Variants in PPFIBP2 observed in about 807,000 individuals in gnomAD.
The protein encoded by PPFIBP2 is PPFIB scaffold protein 2.
Under a neutral mutation model 118.3 loss-of-function variants are expected in PPFIBP2, and 118 were observed. The ratio of observed to expected loss-of-function variants is 1.00; its 90% CI spans 0.86 to 1.16. PPFIBP2 has a LOEUF of 1.16. Ranked by LOEUF, PPFIBP2 falls within the 50% of genes most tolerant of loss-of-function variation. The pLI, the probability that PPFIBP2 is intolerant of heterozygous loss-of-function variation, is 0.00. For missense variants in PPFIBP2, 1,195 were observed against 1,073.1 expected (o/e 1.11, Z -1.59); for synonymous variants, 414 against 397.4 (o/e 1.04, Z -0.50).
chr11:7,660,220 T>A (rs1854861453), downstream of PPFIBP2, among the ~76,000 whole-genome samples: 3 of 127,846 alleles, frequency 2.3e-5, 1 homozygote, highest in Admixed American at 2.4e-4. Context: ...CATCCCTGTC[T>A]TGTGCCCGTT....
Position 7,620,999 on chromosome 11 carries a change from A to G in PPFIBP2, c.683A>G (p.Gln228Arg), listed in dbSNP as rs755458671. The G allele has an allele frequency of 8.7e-6, 14 of 1,612,530 alleles. No individual in the cohort carries two copies. The African/African-American group carries it at 1.6e-4, about 18-fold the overall frequency. The change falls in exon 7 of 24, where the codon CAG becomes CGG. Residue 228 changes from glutamine to arginine, a missense_variant. Gln to Arg is a conservative substitution (Grantham distance 43). Coordinates refer to ENST00000299492, the MANE Select transcript of PPFIBP2 (RefSeq NM_003621.5). The stretch of plus-strand genomic sequence containing the variant: ...GAAGAGTTGGAAAATGAAAGGAATC[A>G]GTATGAATGGAAGCTAAAGGCCACT... ...KVEELENERN[Q>R]YEWKLKATKA... is the part of the protein sequence containing the mutation.
chr11:7,663,802 T>A, the PPFIBP2 span, among the ~76,000 whole-genome samples: 1 of 152,204 alleles, frequency 6.6e-6, no homozygotes, highest in South Asian at 2.1e-4. Flanking sequence ...TCAGCGAGAC[T>A]CCCTGGGCGT....
chr11:7,616,240 A>G lies in PPFIBP2; in HGVS notation c.619-4695A>G, dbSNP rs1255179284. 3.9e-5 allele frequency among the ~76,000 whole-genome samples: 6 copies of G among 152,230 alleles called. No individual in the cohort carries two copies. The highest frequency in any genetic ancestry group is 1.4e-4 in the African/African-American group (6 of 41,466). On this transcript the variant is annotated intron_variant, in intron 6 of 23. Transcript: ENST00000299492. The surrounding 1 kb of genome is among the most constrained non-coding windows in gnomAD (Gnocchi z 5.2). ...CTCTGACAGATACAAAAAATTTAGG[A>G]CAATAGTCCCCCAAAGTGCTTGCTA...
intron 17 of PPFIBP2, among the ~76,000 whole-genome samples, chr11:7,645,029 A>C (rs12796696): frequency 2.0e-4 from 2 of 10,014 alleles, no homozygotes; most frequent in East Asian, 2.2e-3. Flanking sequence ...TCCGTCTCAA[A>C]AAAAAAAAAA....
At chr11:7,646,979 T>A (rs1853173530) in intron 17 of PPFIBP2, among the ~76,000 whole-genome samples, 1 of 152,166 alleles carries the variant, frequency 6.6e-6, no homozygotes, top group African/African-American at 2.4e-5. Context: ...AAGAGAAAGT[T>A]TGTAAGTTCC....
At chr11:7,566,848 G>A (rs1337452354) in intron 3 of PPFIBP2, among the ~76,000 whole-genome samples, 2 of 152,114 alleles carry the variant, frequency 1.3e-5, no homozygotes, top group Non-Finnish European at 2.9e-5. Context: ...TTAAAGGATA[G>A]GTTAAAAAAT....
chr11:7,662,384 TTTTA>T, the PPFIBP2 span, among the ~76,000 whole-genome samples: 3 of 152,164 alleles, frequency 2.0e-5, no homozygotes, highest in East Asian at 5.8e-4. Context: ...CTGTAAAGTG[TTTTA>T]TTTCTCCTTC....
At chr11:7,605,734 G>A (rs931249671) in intron 5 of PPFIBP2, 48 of 1,343,150 alleles carry the variant, frequency 3.6e-5, no homozygotes, top group Admixed American at 7.2e-5. Flanking sequence ...ACTAGTGGCC[G>A]CAGAAGAAAT....
At chr11:7,636,328 G>C (rs1240521037) in intron 14 of PPFIBP2, among the ~76,000 whole-genome samples, 2 of 152,086 alleles carry the variant, frequency 1.3e-5, no homozygotes, top group Non-Finnish European at 2.9e-5. Context: ...ATCTGCGTAA[G>C]AGAAAGATCT....
At chr11:7,572,923 T>C (rs1019090809) in intron 3 of PPFIBP2, among the ~76,000 whole-genome samples, 2 of 152,098 alleles carry the variant, frequency 1.3e-5, no homozygotes, top group Non-Finnish European at 2.9e-5. Flanking sequence ...GGGATTGCAG[T>C]TGTGCACCAC....
Position 7,653,097 on chromosome 11 carries a change from G to T in PPFIBP2, c.2510G>T (p.Cys837Phe), listed in dbSNP as rs765615602. Residue 837 changes from cysteine to phenylalanine, a missense_variant, in exon 24 of 24, where the codon TGC (cysteine) becomes TTC (phenylalanine). By Grantham distance (205) the Cys-to-Phe change is radical. Coordinates refer to ENST00000299492, the MANE Select transcript of PPFIBP2 (RefSeq NM_003621.5). ...TTCGATGAATCGACGGACTACATTT[G>T]CCCAATGGAGCCCAGTGACGGTGTC... is the stretch of plus-strand genomic sequence containing the variant. The part of the protein sequence containing the change: ...KKFDESTDYI[C>F]PMEPSDGVSD... The T allele has an allele frequency of 7.4e-6, 12 of 1,613,982 alleles. No individual in the cohort carries two copies. The African/African-American group carries it at 1.6e-4, about 22-fold the overall frequency.
At chr11:7,637,356 T>C (rs1302942480) in intron 14 of PPFIBP2, among the ~76,000 whole-genome samples, 4 of 152,200 alleles carry the variant, frequency 2.6e-5, no homozygotes, top group Non-Finnish European at 4.4e-5. Context: ...AGGCCCTGGG[T>C]ATGTGATATT....
At chr11:7,654,495 G>T (rs1469191162), downstream of PPFIBP2, among the ~76,000 whole-genome samples, 2 of 152,242 alleles carry the variant, frequency 1.3e-5, no homozygotes, top group Admixed American at 1.3e-4. Flanking sequence ...TTCTGTACCA[G>T]ATGGAGGCTA....
At chr11:7,665,453 G>A in the PPFIBP2 span, 34 of 1,613,534 alleles carry the variant, frequency 2.1e-5, no homozygotes, top group Middle Eastern at 1.6e-4. Context: ...TAGTGGTGGC[G>A]GGCCACACAC....
chr11:7,603,685 G>A (rs1846959010), intron 5 of PPFIBP2, among the ~76,000 whole-genome samples: 1 of 152,134 alleles, frequency 6.6e-6, no homozygotes, highest in African/African-American at 2.4e-5. Flanking sequence ...CAGAGCCTGA[G>A]TTTTGGAAAA....
At chr11:7,637,837 G>A (rs541571804) in intron 14 of PPFIBP2, among the ~76,000 whole-genome samples, 2 of 152,140 alleles carry the variant, frequency 1.3e-5, no homozygotes, top group African/African-American at 4.8e-5. Flanking sequence ...CTTACAGGTC[G>A]GGGCTGCCTT....
At chr11:7,665,999 G>T in the PPFIBP2 span, 2 of 1,216,750 alleles carry the variant, frequency 1.6e-6, no homozygotes, top group Non-Finnish European at 2.3e-6. Context: ...GGGGTGCTCT[G>T]TGCACAGTGG....
the PPFIBP2 span, chr11:7,666,452 A>C: frequency 6.2e-7 from 1 of 1,604,892 alleles, no homozygotes; most frequent in African/African-American, 1.3e-5. Flanking sequence ...ATGTCGTACC[A>C]ATGGGAGGCC....
At chr11:7,595,290 G>A (rs1860087939) in intron 4 of PPFIBP2, among the ~76,000 whole-genome samples, 1 of 152,218 alleles carries the variant, frequency 6.6e-6, no homozygotes, top group African/African-American at 2.4e-5. Flanking sequence ...TTTGAGGGAT[G>A]TGTAATTTGA....
Sources: gnomAD v4.1 joint callset for allele counts (sites outside exome capture counted in the v4.1 genomes callset) on GRCh38, gnomAD v4.1.1 for gene constraint, Gnocchi (gnomAD v3.1) non-coding constraint, MANE v1.5 for transcripts, NCBI Gene and HGNC (gene_info 2026-07-23, HGNC 2026-07-21) for gene names.